The following RANBP2 variants were observed in gnomAD, a reference collection of about 807,000 sequenced individuals.
The protein encoded by RANBP2 is RAN binding protein 2.
Under a neutral mutation model 303.6 loss-of-function variants are expected in RANBP2, and 57 were observed. The ratio of observed to expected loss-of-function variants is 0.19; its 90% CI spans 0.15 to 0.23. RANBP2 has a LOEUF of 0.23. RANBP2 is among the 10% of genes least tolerant of loss of function. RANBP2 has a pLI of 1.00. For synonymous variants in RANBP2, 1,167 were observed against 1,301.5 expected, an observed-to-expected ratio of 0.90 and a Z score of 2.23; for missense variants, 3,138 against 3,780.8, an observed-to-expected ratio of 0.83 and a Z score of 4.46.
At chr2:109,566,184 G>A in the RANBP2 span, among the ~76,000 whole-genome samples, 3 of 151,904 alleles carry the variant, frequency 2.0e-5, no homozygotes, top group Admixed American at 2.0e-4. Flanking sequence ...GCAGTGACAC[G>A]ATCTCATCTC....
chr2:108,875,441 G>C, the RANBP2 span, among the ~76,000 whole-genome samples: 1 of 151,868 alleles, frequency 6.6e-6, no homozygotes, highest in Non-Finnish European at 1.5e-5. Context: ...CCAATATTCT[G>C]CCACTTTAAA....
the RANBP2 span, among the ~76,000 whole-genome samples, chr2:109,286,481 G>A: frequency 5.3e-5 from 8 of 152,132 alleles, no homozygotes; most frequent in Non-Finnish European, 1.2e-4. Flanking sequence ...CCACAGTCCC[G>A]CACAAGGCCA....
the RANBP2 span, among the ~76,000 whole-genome samples, chr2:109,110,805 C>G: frequency 6.6e-6 from 1 of 152,192 alleles, no homozygotes; most frequent in African/African-American, 2.4e-5. Flanking sequence ...CTACTTCACA[C>G]TAGTGGATGG....
chr2:108,753,674 T>C, intron 14 of RANBP2, 111 bp downstream of exon 14: 5 of 1,585,918 alleles, frequency 3.2e-6, no homozygotes, highest in Non-Finnish European at 4.3e-6. Flanking sequence ...CAATCTTGGC[T>C]CACTGCAACC....
rs898859835 is a variant in RANBP2, at chr2:108,735,914, T to G, written c.636+152T>G. On this transcript the variant is annotated intron_variant, in intron 5 of 28. Coordinates refer to ENST00000283195, the MANE Select transcript of RANBP2 (RefSeq NM_006267.5). ...AAATTTTTACCAGGATCAGTTAAATTTATAATGGGAAGATTGGGGAGATAA... is the reference window on the plus strand; with the variant it reads ...AAATTTTTACCAGGATCAGTTAAATGTATAATGGGAAGATTGGGGAGATAA... 19 of 1,502,180 alleles carry G rather than the reference T, an allele frequency of 1.3e-5. No individual in the cohort carries two copies. In the Admixed American group the frequency reaches 2.1e-4, roughly 17 times the overall value. The allele number at this position is 1,502,180 out of a possible 1,614,324, so 93.1% of individuals were successfully genotyped here. A position where few individuals can be genotyped will look rare whatever the true frequency, so the allele number is the denominator to read the frequency against.
At chr2:109,672,678 A>G in the RANBP2 span, among the ~76,000 whole-genome samples, 1 of 152,202 alleles carries the variant, frequency 6.6e-6, no homozygotes. Flanking sequence ...TCTATATTGT[A>G]TCATTTCTTT....
At chr2:109,705,462 A>G in the RANBP2 span, among the ~76,000 whole-genome samples, 1 of 152,222 alleles carries the variant, frequency 6.6e-6, no homozygotes, top group African/African-American at 2.4e-5. Flanking sequence ...GGGTGGGTGG[A>G]TAGGCAGGAA....
chr2:108,941,700 A>G, the RANBP2 span, among the ~76,000 whole-genome samples: 2 of 152,220 alleles, frequency 1.3e-5, no homozygotes, highest in African/African-American at 4.8e-5. Context: ...CCTGACTGCC[A>G]TTATAAATAA....
At chr2:109,428,732 G>T in the RANBP2 span, among the ~76,000 whole-genome samples, 1 of 152,252 alleles carries the variant, frequency 6.6e-6, no homozygotes, top group African/African-American at 2.4e-5. Flanking sequence ...ATCCGCAGAG[G>T]TGATGTCTGA....
chr2:109,696,731 A>G, the RANBP2 span, among the ~76,000 whole-genome samples: 60 of 152,352 alleles, frequency 3.9e-4, no homozygotes, highest in East Asian at 0.012. Context: ...TGACATATTA[A>G]CAGTAGCGAG....
chr2:108,969,025 G>A, the RANBP2 span, among the ~76,000 whole-genome samples: 2 of 152,318 alleles, frequency 1.3e-5, no homozygotes, highest in South Asian at 2.1e-4. Flanking sequence ...AATCAGCAAG[G>A]CCACCTCAAG....
At chr2:108,888,050 T>C in the RANBP2 span, among the ~76,000 whole-genome samples, 1 of 152,146 alleles carries the variant, frequency 6.6e-6, no homozygotes, top group Non-Finnish European at 1.5e-5. Context: ...CTATGCCTAG[T>C]TTGTTGAGAG....
chr2:108,817,229 A>G, the RANBP2 span, among the ~76,000 whole-genome samples: 2 of 151,878 alleles, frequency 1.3e-5, no homozygotes, highest in East Asian at 1.9e-4. Flanking sequence ...CAGAGACTCA[A>G]CCCCCTCTTG....
chr2:108,918,705 T>C, the RANBP2 span, among the ~76,000 whole-genome samples: 5 of 152,166 alleles, frequency 3.3e-5, no homozygotes, highest in Admixed American at 2.6e-4. Flanking sequence ...CAGAAGCACA[T>C]GGCTGGAGGG....
At chr2:108,823,848 G>C in the RANBP2 span, among the ~76,000 whole-genome samples, 1 of 152,082 alleles carries the variant, frequency 6.6e-6, no homozygotes, top group Non-Finnish European at 1.5e-5. Flanking sequence ...GTGGTGGCGG[G>C]CATCTGTAAT....
At chr2:109,626,816 A>G in the RANBP2 span, among the ~76,000 whole-genome samples, 1 of 152,220 alleles carries the variant, frequency 6.6e-6, no homozygotes, top group African/African-American at 2.4e-5. Flanking sequence ...TTTTTCTGCC[A>G]TCGTCACTCC....
At chr2:108,724,743 T>C (rs1034983031) in intron 1 of RANBP2, among the ~76,000 whole-genome samples, 12 of 152,028 alleles carry the variant, frequency 7.9e-5, no homozygotes, top group African/African-American at 2.7e-4. Flanking sequence ...CTTACCCTTA[T>C]GTTCCAGGGG....
the RANBP2 span, chr2:108,897,331 T>G: frequency 8.4e-7 from 1 of 1,184,200 alleles, no homozygotes; most frequent in Non-Finnish European, 1.2e-6. Context: ...TTGAAAAAAA[T>G]TTTTTTAAAA....
At chr2:108,731,266 C>A in intron 3 of RANBP2, 56 bp from the exon 4 acceptor site, 1 of 1,584,218 alleles carries the variant, frequency 6.3e-7, no homozygotes, top group Non-Finnish European at 8.6e-7. Flanking sequence ...TATATATACT[C>A]CTACATACAT....
Sources: allele counts gnomAD v4.1 joint callset (sites outside exome capture counted in the v4.1 genomes callset), GRCh38; gene constraint gnomAD v4.1.1; transcripts MANE v1.5; gene names NCBI Gene and HGNC (gene_info 2026-07-23, HGNC 2026-07-21).